Variants in SV2C observed in about 807,000 individuals in gnomAD.
The protein encoded by SV2C is solute carrier family 22 member B3.
Under a neutral mutation model 79.7 loss-of-function variants are expected in SV2C, and 49 were observed. The ratio of observed to expected loss-of-function variants is 0.61; its 90% CI spans 0.49 to 0.78. The LOEUF (loss-of-function observed/expected upper bound fraction) is 0.78. SV2C is among the 30% of genes least tolerant of loss of function. SV2C has a pLI of 0.00. For synonymous variants in SV2C, 334 were observed against 333.2 expected (o/e 1.00, Z -0.03); for missense variants, 833 against 912.9 (o/e 0.91, Z 1.13).
At chr5:75,914,080 A>G in the SV2C span, among the ~76,000 whole-genome samples, 2 of 152,184 alleles carry the variant, frequency 1.3e-5, no homozygotes, top group Non-Finnish European at 2.9e-5. Context: ...TTGGCTAATC[A>G]TGGCTCTGCA....
At chr5:75,976,984 T>C in the SV2C span, among the ~76,000 whole-genome samples, 3 of 152,234 alleles carry the variant, frequency 2.0e-5, no homozygotes, top group Non-Finnish European at 4.4e-5. Flanking sequence ...ATCTTATAGC[T>C]GTTCCAGACA....
the SV2C span, among the ~76,000 whole-genome samples, chr5:76,046,925 T>C: frequency 2.0e-5 from 3 of 152,210 alleles, no homozygotes; most frequent in South Asian, 6.2e-4. Context: ...TTCAGGCCTG[T>C]CTTTATTAAT....
chr5:76,004,210 T>C, the SV2C span, among the ~76,000 whole-genome samples: 5 of 152,310 alleles, frequency 3.3e-5, no homozygotes, highest in Middle Eastern at 3.4e-3. Context: ...CGCTTATGGT[T>C]AAGGATCTCT....
chr5:76,285,349 C>T, intron 5 of SV2C, 54 bp downstream of exon 5: 2 of 1,600,164 alleles, frequency 1.2e-6, no homozygotes. Context: ...GGAAAAAGTT[C>T]CTTGTTAATT....
At chr5:76,229,215 C>A (rs1048987932) in intron 4 of SV2C, among the ~76,000 whole-genome samples, 35 of 152,228 alleles carry the variant, frequency 2.3e-4, no homozygotes, top group African/African-American at 7.7e-4. Flanking sequence ...GGATCCTCAC[C>A]CTGGTGCGGG....
chr5:75,854,427 T>C, the SV2C span, among the ~76,000 whole-genome samples: 1 of 152,192 alleles, frequency 6.6e-6, no homozygotes, highest in African/African-American at 2.4e-5. Context: ...TGTTTTTGTA[T>C]AAAAACTATC....
the SV2C span, among the ~76,000 whole-genome samples, chr5:75,913,772 G>C: frequency 6.6e-6 from 1 of 152,108 alleles, no homozygotes; most frequent in East Asian, 1.9e-4. Flanking sequence ...CAGCCCCTAA[G>C]GTGAATATTT....
chr5:76,037,662 G>A, the SV2C span, among the ~76,000 whole-genome samples: 2 of 152,236 alleles, frequency 1.3e-5, no homozygotes, highest in East Asian at 1.9e-4. Flanking sequence ...TGTCAGACAG[G>A]GACATTTAAG....
intron 4 of SV2C, among the ~76,000 whole-genome samples, chr5:76,264,832 C>T (rs911893349): frequency 5.9e-5 from 9 of 152,318 alleles, no homozygotes; most frequent in African/African-American, 2.2e-4. Flanking sequence ...GGGCACCAGC[C>T]TGATGCCAGC....
intron 3 of SV2C, among the ~76,000 whole-genome samples, chr5:76,207,433 T>C (rs142347378): frequency 9.2e-4 from 140 of 152,348 alleles, no homozygotes; most frequent in Middle Eastern, 3.4e-3. Context: ...AAAGGAGTAG[T>C]ATTAAATTAT....
the SV2C span, among the ~76,000 whole-genome samples, chr5:76,036,773 T>C: frequency 2.0e-5 from 3 of 152,204 alleles, no homozygotes; most frequent in Non-Finnish European, 4.4e-5. Flanking sequence ...CTATATTTCC[T>C]GAATCTGAAT....
At chr5:76,129,879 G>A (rs531043963) in intron 1 of SV2C, among the ~76,000 whole-genome samples, 1 of 152,266 alleles carries the variant, frequency 6.6e-6, no homozygotes, top group East Asian at 1.9e-4. Flanking sequence ...CAGCTGATAT[G>A]CAGTGTCTGA....
chr5:76,314,322 G>T (rs1748552189), intron 12 of SV2C, among the ~76,000 whole-genome samples: 1 of 152,028 alleles, frequency 6.6e-6, no homozygotes, highest in Non-Finnish European at 1.5e-5. Flanking sequence ...CTGTCCTTTG[G>T]GTCCCTTTCC....
chr5:76,300,945 T>G lies in SV2C; in HGVS notation c.1840+13T>G. ...TTAACAATGCTAGGTATGTACTCAG[T>G]TTCATGTCAAATAAAAGAGCTGCCC... On this transcript the variant is annotated intron_variant, in intron 11 of 12. Coordinates refer to ENST00000502798, the MANE Select transcript of SV2C (RefSeq NM_014979.4). 1 of 1,613,152 alleles carries G rather than the reference T, an allele frequency of 6.2e-7. No individual in the cohort carries two copies. The highest frequency in any genetic ancestry group is 8.5e-7 in the Non-Finnish European group (1 of 1,179,430).
chr5:76,253,993 T>G (rs1431120808), intron 4 of SV2C, among the ~76,000 whole-genome samples: 1 of 152,038 alleles, frequency 6.6e-6, no homozygotes, highest in African/African-American at 2.4e-5. Flanking sequence ...AGAAATGTAA[T>G]GCATTGTCTG....
At chr5:75,882,498 T>TA in the SV2C span, among the ~76,000 whole-genome samples, 2 of 151,994 alleles carry the variant, frequency 1.3e-5, no homozygotes, top group African/African-American at 4.8e-5. Context: ...GACTTCAAAC[T>TA]ATACTACAAG....
chr5:75,964,288 G>A, the SV2C span, among the ~76,000 whole-genome samples: 1 of 152,252 alleles, frequency 6.6e-6, no homozygotes, highest in South Asian at 2.1e-4. Context: ...TTGAGAAAGA[G>A]GAACTACCCG....
At chr5:76,186,163 C>T (rs1418929982) in intron 2 of SV2C, among the ~76,000 whole-genome samples, 4 of 152,202 alleles carry the variant, frequency 2.6e-5, no homozygotes, top group Non-Finnish European at 5.9e-5. Flanking sequence ...TCACTACCAG[C>T]ATTTTGGTCA....
At chr5:75,869,806 CAGAG>C in the SV2C span, among the ~76,000 whole-genome samples, 7 of 152,276 alleles carry the variant, frequency 4.6e-5, no homozygotes, top group Middle Eastern at 3.4e-3. Context: ...CAGCTCAAAA[CAGAG>C]AGAGAGATTC....
Sources: gnomAD v4.1 joint callset for allele counts (sites outside exome capture counted in the v4.1 genomes callset) on GRCh38, gnomAD v4.1.1 for gene constraint, MANE v1.5 for transcripts, NCBI Gene and HGNC (gene_info 2026-07-23, HGNC 2026-07-21) for gene names.